CSMD1: variants seen among roughly 807,000 people sequenced by gnomAD.
CSMD1 encodes the protein CUB and sushi domain-containing protein 1.
A neutral mutation model predicts 417.5 loss-of-function variants in CSMD1; 213 were observed. The observed-to-expected ratio is 0.51, with a 90% CI of 0.46 to 0.57. The LOEUF is 0.57. CSMD1 is among the 20% of genes least tolerant of loss of function. The pLI is 0.00. For missense variants in CSMD1, 6,923 were observed against 4,529.7 expected (o/e 1.53, Z -15.17); for synonymous variants, 2,862 against 1,736.8 (o/e 1.65, Z -16.11).
At chr8:3,616,236 A>G (rs1338259550) in intron 8 of CSMD1, among the ~76,000 whole-genome samples, 1 of 152,168 alleles carries the variant, frequency 6.6e-6, no homozygotes, top group East Asian at 1.9e-4. Flanking sequence ...GTGAGAGGCA[A>G]TTGAATCATG....
rs1377755676 is a variant in CSMD1 at position 3,343,483 on chromosome 8, G to A, written c.3475-33C>T. 8 of 1,585,284 alleles carry A rather than the reference G, an allele frequency of 5.0e-6. No homozygotes were observed. The African/African-American group carries it at 6.7e-5, about 13-fold the overall frequency. On this transcript the variant is annotated intron_variant, in intron 22 of 69. Transcript: ENST00000635120. ...AAATTCACAGCATGAGTCCCTCTAT[G>A]CCTTCACTGGATTCTTATGTTAGCA...
At chr8:4,055,495 A>T (rs1798644531) in intron 3 of CSMD1, among the ~76,000 whole-genome samples, 1 of 152,052 alleles carries the variant, frequency 6.6e-6, no homozygotes, top group African/African-American at 2.4e-5. Flanking sequence ...AAAGCATTTC[A>T]TATAAATAAG....
chr8:4,370,784 T>A (rs1231341204), intron 3 of CSMD1, among the ~76,000 whole-genome samples: 1 of 152,136 alleles, frequency 6.6e-6, no homozygotes, highest in Admixed American at 6.5e-5. Context: ...CAAGATCCAG[T>A]TTGGTTCTTT....
intron 12 of CSMD1, among the ~76,000 whole-genome samples, chr8:3,460,652 G>C (rs775775451): frequency 1.4e-4 from 21 of 152,252 alleles, no homozygotes; most frequent in African/African-American, 4.8e-4. Context: ...TTACTAGACG[G>C]AACTGACCGA....
intron 38 of CSMD1, among the ~76,000 whole-genome samples, chr8:3,161,154 T>G (rs545763116): frequency 1.3e-5 from 2 of 152,320 alleles, no homozygotes; most frequent in Non-Finnish European, 2.9e-5. Context: ...ATTATCAATT[T>G]TTATTGCTGG....
chr8:4,336,304 C>A (rs1048248850), intron 3 of CSMD1, among the ~76,000 whole-genome samples: 6 of 152,118 alleles, frequency 3.9e-5, no homozygotes, highest in African/African-American at 1.4e-4. Context: ...TTTAATGCCA[C>A]GTAGCCTCTG....
intron 5 of CSMD1, among the ~76,000 whole-genome samples, chr8:3,977,972 C>A (rs1813570007): frequency 6.6e-6 from 1 of 152,214 alleles, no homozygotes; most frequent in Non-Finnish European, 1.5e-5. Context: ...ACGTGTCCAT[C>A]TACTAGCTCT....
intron 7 of CSMD1, among the ~76,000 whole-genome samples, chr8:3,628,034 T>G (rs1165266992): frequency 6.6e-6 from 1 of 152,164 alleles, no homozygotes; most frequent in African/African-American, 2.4e-5. Flanking sequence ...AAGGGCAATG[T>G]AATATAAAGC....
intron 6 of CSMD1, among the ~76,000 whole-genome samples, chr8:3,718,331 G>C (rs1213782547): frequency 6.6e-6 from 1 of 151,930 alleles, no homozygotes; most frequent in Non-Finnish European, 1.5e-5. Flanking sequence ...CCTTGAATAG[G>C]GACTTTTGAG....
At chr8:4,450,430 A>T (rs990275857) in intron 2 of CSMD1, among the ~76,000 whole-genome samples, 1 of 152,128 alleles carries the variant, frequency 6.6e-6, no homozygotes. Context: ...AATGGAGACC[A>T]TCTTGGCCAA....
At chr8:3,399,112 T>C (rs1002165499) in intron 16 of CSMD1, among the ~76,000 whole-genome samples, 5 of 152,024 alleles carry the variant, frequency 3.3e-5, no homozygotes. Flanking sequence ...CCAGTGCAGG[T>C]CCCAAACCCA....
intron 23 of CSMD1, among the ~76,000 whole-genome samples, chr8:3,308,731 A>AATTT (rs750152499): frequency 0.1 from 7,614 of 73,608 alleles, 240 homozygotes; most frequent in Non-Finnish European, 0.14. Flanking sequence ...CCTACTTACA[A>AATTT]GTTTTTTTTT....
rs541657965 is a variant in CSMD1, at chr8:4,453,789, C to A, written c.303-33724G>T. ...AACGCCTCAGCTTTCACCCAGGTTCCCGAACAAGATTGCGCAATTCGTTTC... is the reference window on the plus strand; with the variant it reads ...AACGCCTCAGCTTTCACCCAGGTTCACGAACAAGATTGCGCAATTCGTTTC... On this transcript the variant is annotated intron_variant, in intron 2 of 69. Transcript: ENST00000635120. 1.5e-4 allele frequency among the ~76,000 whole-genome samples: 23 copies of A among 148,428 alleles called. No individual in the cohort carries two copies. In the East Asian group the frequency reaches 3.4e-3, roughly 22 times the overall value.
At chr8:4,032,214 T>G (rs1031509498) in intron 3 of CSMD1, 115 bp from the exon 4 acceptor site, 1 of 686,618 alleles carries the variant, frequency 1.5e-6, no homozygotes, top group Non-Finnish European at 2.3e-6. Flanking sequence ...ACCTCTAGCA[T>G]CAGAAAAATA....
rs140853873 is a variant in CSMD1, at chr8:3,756,771, C to T, written c.819-2729G>A. ...TTTTCTCACTCGCATTACTTATGAA[C>T]GGTTCTGACTGAAAAAACCAGGTGG... On this transcript the variant is annotated intron_variant, in intron 5 of 69. Transcript: ENST00000635120. Among the ~76,000 whole-genome samples, 23 of 151,948 alleles carry T rather than the reference C, an allele frequency of 1.5e-4. No individual in the cohort carries two copies. The East Asian group carries it at 1.8e-3, about 12-fold the overall frequency.
chr8:4,326,342 A>G (rs1272295019), intron 3 of CSMD1, among the ~76,000 whole-genome samples: 1 of 152,196 alleles, frequency 6.6e-6, no homozygotes, highest in Non-Finnish European at 1.5e-5. Flanking sequence ...GCGATTTCAG[A>G]CATGGGGCAA....
At chr8:3,381,057 A>G (rs1563329473) in intron 18 of CSMD1, among the ~76,000 whole-genome samples, 2 of 152,192 alleles carry the variant, frequency 1.3e-5, no homozygotes, top group Non-Finnish European at 2.9e-5. Context: ...TGAGTCAGGC[A>G]AAGTCTCTTG....
chr8:3,327,662 G>C (rs1247166902), intron 23 of CSMD1, among the ~76,000 whole-genome samples: 1 of 152,102 alleles, frequency 6.6e-6, no homozygotes, highest in East Asian at 1.9e-4. Flanking sequence ...ACTCATTTTG[G>C]GGGAATAGAA....
intron 6 of CSMD1, among the ~76,000 whole-genome samples, chr8:3,735,762 T>G (rs1161934310): frequency 6.6e-6 from 1 of 152,214 alleles, no homozygotes; most frequent in Non-Finnish European, 1.5e-5. Context: ...CTTTACAATG[T>G]TGCTGCAGAT....
Sources: gnomAD v4.1 joint callset for allele counts (sites outside exome capture counted in the v4.1 genomes callset) on GRCh38, gnomAD v4.1.1 for gene constraint, MANE v1.5 for transcripts, NCBI Gene and HGNC (gene_info 2026-07-23, HGNC 2026-07-21) for gene names.